The following NFKB1 variants were observed in gnomAD, a reference collection of about 807,000 sequenced individuals.
NFKB1 encodes the protein nuclear factor kappa B subunit 1.
A neutral mutation model predicts 105.1 loss-of-function variants in NFKB1; 9 were observed. The ratio of observed to expected loss-of-function variants is 0.09; its 90% CI spans 0.05 to 0.15. The LOEUF (loss-of-function observed/expected upper bound fraction) is 0.15, where lower values mean the gene tolerates loss of function less well. NFKB1 is among the 10% of genes least tolerant of loss of function. NFKB1 has a pLI of 1.00. For missense variants in NFKB1, 830 were observed against 1,203.7 expected, an observed-to-expected ratio of 0.69 and a Z score of 4.59; for synonymous variants, 440 against 442.2, an observed-to-expected ratio of 1.00 and a Z score of 0.06.
intron 1 of NFKB1, among the ~76,000 whole-genome samples, chr4:102,506,763 A>G (rs1271938903): frequency 6.6e-6 from 1 of 152,068 alleles, no homozygotes; most frequent in Non-Finnish European, 1.5e-5. Flanking sequence ...AGCGCTGCTC[A>G]CTTCAGTTCA....
intron 5 of NFKB1, among the ~76,000 whole-genome samples, chr4:102,545,569 T>TAAGG (rs1722069398): frequency 6.6e-6 from 1 of 152,126 alleles, no homozygotes; most frequent in Non-Finnish European, 1.5e-5. Context: ...CCATATGGTT[T>TAAGG]AAGGGCCTGC....
chr4:102,523,717 C>T (rs1004890093), intron 1 of NFKB1, among the ~76,000 whole-genome samples: 11 of 152,130 alleles, frequency 7.2e-5, no homozygotes, highest in Non-Finnish European at 1.6e-4. Flanking sequence ...TCTGCCATCC[C>T]CTAGGCTATT....
intron 1 of NFKB1, among the ~76,000 whole-genome samples, chr4:102,524,081 T>C (rs1364676353): frequency 6.6e-6 from 1 of 152,022 alleles, no homozygotes; most frequent in Non-Finnish European, 1.5e-5. Context: ...CTCAGCCTTG[T>C]GTTTCTTTAA....
At chr4:102,565,736 CT>C (rs780956909) in intron 5 of NFKB1, among the ~76,000 whole-genome samples, 4 of 151,982 alleles carry the variant, frequency 2.6e-5, no homozygotes, top group East Asian at 3.9e-4. Flanking sequence ...CCTTTTCTAC[CT>C]TTCTTTTTCT....
chr4:102,512,189 T>C (rs62328541), intron 1 of NFKB1, among the ~76,000 whole-genome samples: 40,781 of 152,106 alleles, frequency 0.27, 6,768 homozygotes, highest in Admixed American at 0.41. Flanking sequence ...TAAAAGTAAA[T>C]ATTTTGCTTA....
rs1364913100 is a variant in NFKB1 at position 102,529,849 on chromosome 4, A to C, written c.53A>C (p.Asp18Ala). The stretch of plus-strand genomic sequence containing the variant: ...TCTTCTTTACAGATGTTTCATTTGG[A>C]TCCTTCTTTGACTCATACAATATTT... ...LGRPEQMFHL[D>A]PSLTHTIFNP... Residue 18 changes from aspartate to alanine, a missense_variant, in exon 3 of 24, where the codon GAT (aspartate) becomes GCT (alanine). This residue lies in a region of NFKB1 where 46 missense variants were observed against 48.3 expected (regional missense o/e 0.95). Transcript: ENST00000226574. 1 of 1,604,114 alleles carries C rather than the reference A, an allele frequency of 6.2e-7. No homozygotes were observed. The highest frequency in any genetic ancestry group is 1.7e-5 in the Admixed American group (1 of 59,536).
At chr4:102,574,456 C>T (rs1158373231) in intron 6 of NFKB1, among the ~76,000 whole-genome samples, 1 of 151,028 alleles carries the variant, frequency 6.6e-6, no homozygotes, top group Non-Finnish European at 1.5e-5. Context: ...CAGCTGAAGA[C>T]TCCAGTGATC....
chr4:102,600,497 A>G (rs546300093), intron 15 of NFKB1, among the ~76,000 whole-genome samples: 1 of 152,352 alleles, frequency 6.6e-6, no homozygotes, highest in African/African-American at 2.4e-5. Flanking sequence ...TTCATTTTAC[A>G]TAGAATCTGT....
chr4:102,597,259 A>G (rs1304492534), intron 14 of NFKB1, among the ~76,000 whole-genome samples: 1 of 152,214 alleles, frequency 6.6e-6, no homozygotes, highest in African/African-American at 2.4e-5. Context: ...CCTTAAAATA[A>G]TACATTTCTA....
Position 102,593,405 on chromosome 4 carries a change from T to C in NFKB1, c.1067-20T>C. On this transcript the variant is annotated intron_variant, in intron 11 of 23. Transcript: ENST00000226574. ...CCAAATCAATCTTTTCTCCTCTGGT[T>C]TCTCTTCCTTTAAATACAGATAAAG... 1.2e-6 allele frequency: 2 copies of C among 1,601,428 alleles called. No homozygotes were observed. The highest frequency in any genetic ancestry group is 1.7e-6 in the Non-Finnish European group (2 of 1,172,900).
chr4:102,564,293 C>T (rs1206381201), intron 5 of NFKB1, among the ~76,000 whole-genome samples: 5 of 152,212 alleles, frequency 3.3e-5, no homozygotes, highest in Non-Finnish European at 7.3e-5. Flanking sequence ...ATTTCTGAAT[C>T]GATTGCAAAC....
intron 1 of NFKB1, among the ~76,000 whole-genome samples, chr4:102,517,684 A>G (rs1347186184): frequency 6.6e-6 from 1 of 152,206 alleles, no homozygotes; most frequent in Non-Finnish European, 1.5e-5. Flanking sequence ...TAGGAAAAAT[A>G]TAGGATTTCT....
chr4:102,531,103 C>T (rs1741262162), intron 3 of NFKB1, among the ~76,000 whole-genome samples: 1 of 152,106 alleles, frequency 6.6e-6, no homozygotes, highest in Non-Finnish European at 1.5e-5. Context: ...GAACTTGGTT[C>T]TGTCCACAGG....
In NFKB1 at chr4:102,524,113, A is replaced by T. The variant is rs146574190; in HGVS notation, c.-7-1399A>T. Among the ~76,000 whole-genome samples the T allele has an allele frequency of 3.9e-5, 6 of 152,226 alleles. No individual in the cohort carries two copies. In the South Asian group the frequency reaches 1.0e-3, roughly 26 times the overall value. On this transcript the variant is annotated intron_variant, in intron 1 of 23. Transcript: ENST00000226574. ...TTAATTTTCTCATTTTTCATGTCACATATCTAAAATTTGATCTAAATAAAT... is the reference window on the plus strand; with the variant it reads ...TTAATTTTCTCATTTTTCATGTCACTTATCTAAAATTTGATCTAAATAAAT...
At position 102,578,881 on chromosome 4, in the gene NFKB1, A is replaced by G; in HGVS notation, c.572A>G (p.Asp191Gly). 2 of 1,614,014 alleles carry G rather than the reference A, an allele frequency of 1.2e-6. No homozygotes were observed. Among genetic ancestry groups the G allele is most frequent in the Non-Finnish European group, 1.7e-6 (2 of 1,179,930 alleles). The change falls in exon 8 of 24, where the codon GAT becomes GGT. Residue 191 changes from aspartate (D) to glycine (G), a missense_variant and splice_region_variant. Asp to Gly is a moderately conservative substitution (Grantham distance 94, BLOSUM62 -1). Coordinates refer to ENST00000226574, the MANE Select transcript of NFKB1 (RefSeq NM_003998.4). Reference protein sequence around the residue: ...AEGGGDRQLGDREKELIRQAA... With the variant: ...AEGGGDRQLGGREKELIRQAA... The stretch of plus-strand genomic sequence containing the variant: ...AATGGACTGTGCTGTATGGCCCTAG[A>G]TCGGGAAAAAGAGCTAATCCGCCAA...
intron 5 of NFKB1, among the ~76,000 whole-genome samples, chr4:102,546,108 GA>G (rs60479243): frequency 5.9e-5 from 9 of 151,468 alleles, no homozygotes; most frequent in South Asian, 2.1e-4. Context: ...ATTTTTTAAA[GA>G]AAAAAAACAG....
At chr4:102,557,642 A>C (rs1443387177) in intron 5 of NFKB1, among the ~76,000 whole-genome samples, 4 of 152,198 alleles carry the variant, frequency 2.6e-5, no homozygotes, top group Non-Finnish European at 5.9e-5. Context: ...TGGATCCCTG[A>C]GGGAAACAAC....
intron 1 of NFKB1, among the ~76,000 whole-genome samples, chr4:102,512,443 G>A (rs1339835826): frequency 6.6e-6 from 1 of 152,152 alleles, no homozygotes; most frequent in East Asian, 1.9e-4. Context: ...CGACTTCCTG[G>A]TCCCAAGCTA....
At chr4:102,508,400 T>G (rs1739565692) in intron 1 of NFKB1, among the ~76,000 whole-genome samples, 1 of 152,156 alleles carries the variant, frequency 6.6e-6, no homozygotes, top group African/African-American at 2.4e-5. Context: ...AAAGCAATGT[T>G]AAGAATTAAA....
Sources: gnomAD v4.1 joint callset for allele counts (sites outside exome capture counted in the v4.1 genomes callset) on GRCh38, gnomAD v4.1.1 for gene constraint, gnomAD v4.1.1 regional missense constraint, MANE v1.5 for transcripts, NCBI Gene and HGNC (gene_info 2026-07-23, HGNC 2026-07-21) for gene names.